WDR27: variants seen among roughly 807,000 people sequenced by gnomAD.
WDR27 encodes the protein WD repeat-containing protein 27.
Under a neutral mutation model 114.4 loss-of-function variants are expected in WDR27, and 100 were observed. The ratio of observed to expected loss-of-function variants is 0.87; its 90% CI spans 0.74 to 1.03. The LOEUF (loss-of-function observed/expected upper bound fraction) is 1.03. Among genes scored for constraint, WDR27 ranks in the 50% least tolerant of loss-of-function variants. The pLI, the probability that WDR27 is intolerant of heterozygous loss-of-function variation, is 0.00. For missense variants in WDR27, 1,129 were observed against 1,092.9 expected, an observed-to-expected ratio of 1.03 and a Z score of -0.47; for synonymous variants, 449 against 423.1, an observed-to-expected ratio of 1.06 and a Z score of -0.75.
At chr6:169,443,775 T>C in the WDR27 span, among the ~76,000 whole-genome samples, 1 of 152,158 alleles carries the variant, frequency 6.6e-6, no homozygotes. Context: ...TGGGTCCTCA[T>C]AGCAGGGGCA....
At chr6:169,441,966 G>C in the WDR27 span, among the ~76,000 whole-genome samples, 16 of 152,112 alleles carry the variant, frequency 1.1e-4, no homozygotes, top group Non-Finnish European at 1.8e-4. Flanking sequence ...CCATCACATA[G>C]GTTCTATTTT....
intron 10 of WDR27, among the ~76,000 whole-genome samples, chr6:169,660,017 A>G (rs1403418094): frequency 6.6e-6 from 1 of 151,712 alleles, no homozygotes; most frequent in Non-Finnish European, 1.5e-5. Context: ...CAGGGCTAGA[A>G]AGGAGGCACC....
At chr6:169,636,030 T>C (rs1817595019) in intron 19 of WDR27, among the ~76,000 whole-genome samples, 3 of 152,216 alleles carry the variant, frequency 2.0e-5, no homozygotes. Flanking sequence ...CCCATATATA[T>C]GTATATATTT....
At chr6:169,590,353 T>A (rs1287102916) in intron 23 of WDR27, among the ~76,000 whole-genome samples, 2 of 152,254 alleles carry the variant, frequency 1.3e-5, no homozygotes, top group African/African-American at 4.8e-5. Flanking sequence ...GCTCACTTAT[T>A]TTGCTTTTGA....
At chr6:169,628,014 G>A (rs909896539) in intron 21 of WDR27, among the ~76,000 whole-genome samples, 4 of 152,140 alleles carry the variant, frequency 2.6e-5, no homozygotes, top group Non-Finnish European at 4.4e-5. Flanking sequence ...GTGACTCGGC[G>A]CCATGGTCTG....
intron 21 of WDR27, among the ~76,000 whole-genome samples, chr6:169,626,264 G>A (rs775938348): frequency 3.9e-5 from 6 of 152,202 alleles, no homozygotes; most frequent in Admixed American, 1.3e-4. Context: ...ACCTATGCGG[G>A]TGTGGGTGTC....
chr6:169,612,506 C>T (rs78653523), intron 22 of WDR27, among the ~76,000 whole-genome samples: 1 of 150,476 alleles, frequency 6.6e-6, no homozygotes, highest in African/African-American at 2.5e-5. Context: ...CAGCTGCTCA[C>T]GAGGCTGAGG....
intron 25 of WDR27, among the ~76,000 whole-genome samples, chr6:169,511,028 A>T (rs1792775538): frequency 6.6e-6 from 1 of 152,226 alleles, no homozygotes; most frequent in South Asian, 2.1e-4. Flanking sequence ...TCCTGTCAAA[A>T]GTTACAAGAA....
intron 1 of WDR27, among the ~76,000 whole-genome samples, chr6:169,697,956 G>A (rs770084055): frequency 4.6e-5 from 7 of 152,162 alleles, no homozygotes; most frequent in African/African-American, 7.2e-5. Flanking sequence ...GAGACCCACT[G>A]ACCCTGCGGG....
intron 25 of WDR27, among the ~76,000 whole-genome samples, chr6:169,552,927 G>C (rs1465310874): frequency 6.6e-6 from 1 of 151,278 alleles, no homozygotes; most frequent in Non-Finnish European, 1.5e-5. Context: ...AGGCAGCTAA[G>C]CGCGGCTCGC....
chr6:169,648,082 A>G lies in WDR27; in HGVS notation c.1560-212T>C, dbSNP rs576828509. ...AAATAGACTTACATTCCACATTGCC[A>G]AAAAAGACACATATTTTACATATAA... On this transcript the variant is annotated intron_variant, in intron 15 of 25. Coordinates refer to ENST00000448612, the MANE Select transcript of WDR27 (RefSeq NM_182552.5). Among the ~76,000 whole-genome samples the G allele has an allele frequency of 2.0e-4, 31 of 152,314 alleles. No individual in the cohort carries two copies. In the South Asian group the frequency reaches 3.7e-3, roughly 18 times the overall value.
intron 4 of WDR27, among the ~76,000 whole-genome samples, chr6:169,669,051 TATAAA>T (rs1347069596): frequency 2.6e-5 from 4 of 152,248 alleles, no homozygotes; most frequent in African/African-American, 9.6e-5. Flanking sequence ...CTCCAGTTTC[TATAAA>T]ATAAAGCTAG....
intron 22 of WDR27, 26 bp downstream of exon 22, chr6:169,613,533 C>A (rs1811109332): frequency 6.3e-7 from 1 of 1,581,110 alleles, no homozygotes; most frequent in Admixed American, 1.7e-5. Flanking sequence ...CCCACCCCTG[C>A]AGTGCAGGGC....
intron 21 of WDR27, among the ~76,000 whole-genome samples, chr6:169,621,543 TATAC>T (rs576539970): frequency 4.5e-4 from 63 of 140,596 alleles, no homozygotes; most frequent in Admixed American, 1.3e-3. Flanking sequence ...CACGCACGCA[TATAC>T]ATACACACAC....
At chr6:169,454,915 C>CA (rs1456133896), downstream of WDR27, among the ~76,000 whole-genome samples, 5 of 152,254 alleles carry the variant, frequency 3.3e-5, no homozygotes, top group African/African-American at 1.2e-4. Flanking sequence ...GGCTCCTCAC[C>CA]AGCCTGTGTC....
At chr6:169,658,863 T>A (rs969931061) in intron 12 of WDR27, among the ~76,000 whole-genome samples, 1 of 152,012 alleles carries the variant, frequency 6.6e-6, no homozygotes, top group African/African-American at 2.4e-5. Context: ...GTTTTTTGTA[T>A]TTTTTAGTAG....
At chr6:169,640,751 A>G (rs1818944449) in intron 17 of WDR27, among the ~76,000 whole-genome samples, 1 of 152,246 alleles carries the variant, frequency 6.6e-6, no homozygotes, top group Admixed American at 6.5e-5. Context: ...GACTGACCTC[A>G]GAAGTCACTC....
intron 25 of WDR27, among the ~76,000 whole-genome samples, chr6:169,468,690 T>G (rs756782236): frequency 3.9e-5 from 6 of 152,134 alleles, no homozygotes; most frequent in Non-Finnish European, 7.4e-5. Context: ...GGATCTGCAT[T>G]TTGAGGGTAA....
chr6:169,507,651 T>C (rs549929329), intron 25 of WDR27, among the ~76,000 whole-genome samples: 3 of 152,366 alleles, frequency 2.0e-5, no homozygotes, highest in Admixed American at 6.5e-5. Flanking sequence ...CTATGGCTCA[T>C]GAAACAGACC....
Sources: allele counts gnomAD v4.1 joint callset (sites outside exome capture counted in the v4.1 genomes callset), GRCh38; gene constraint gnomAD v4.1.1; transcripts MANE v1.5; gene names NCBI Gene and HGNC (gene_info 2026-07-23, HGNC 2026-07-21).